The following WSB2 variants were observed in gnomAD, a reference collection of about 807,000 sequenced individuals.
WSB2 encodes the protein WD repeat and SOCS box containing 2, also known as WD repeat and SOCS box-containing protein 2.
A neutral mutation model predicts 48.8 loss-of-function variants in WSB2; 12 were observed. That is an observed-to-expected ratio of 0.25 (90% CI 0.16 to 0.40). The LOEUF (loss-of-function observed/expected upper bound fraction) is 0.40, where lower values mean the gene tolerates loss of function less well. Ranked by LOEUF, WSB2 falls within the 10% of genes least tolerant of loss-of-function variation. WSB2 has a pLI of 1.00. For missense variants in WSB2, 317 were observed against 506.2 expected, an observed-to-expected ratio of 0.63 and a Z score of 3.59; for synonymous variants, 191 against 203.1, an observed-to-expected ratio of 0.94 and a Z score of 0.51.
chr12:118,049,801 C>G (rs7135150), intron 2 of WSB2, among the ~76,000 whole-genome samples: 266 of 152,200 alleles, frequency 1.7e-3, no homozygotes, highest in African/African-American at 5.5e-3. Context: ...TGCAGAGTAC[C>G]CATCTCAACA....
rs1017921411 is a variant in WSB2, at chr12:118,060,200, G to GA, written c.13+835_13+836insT. On this transcript the variant is annotated intron_variant, in intron 1 of 8. Coordinates refer to ENST00000315436, the MANE Select transcript of WSB2 (RefSeq NM_018639.5). This position sits in a 1 kb window ranked among gnomAD's most constrained non-coding sequence, Gnocchi z 4.1. ...GGCCAAGGCGTGCATGCGTCTTGGG[G>GA]TTTTTTTCCCCTTGCATAAGAGACA... is the stretch of plus-strand genomic sequence containing the variant. Among the ~76,000 whole-genome samples, 1 of 152,108 alleles carries GA rather than the reference G, an allele frequency of 6.6e-6. No individual in the cohort carries two copies. Among genetic ancestry groups the GA allele is most frequent in the Non-Finnish European group, 1.5e-5 (1 of 68,024 alleles).
chr12:118,048,582 CAA>C (rs111998638), intron 2 of WSB2, among the ~76,000 whole-genome samples: 21 of 130,436 alleles, frequency 1.6e-4, no homozygotes, highest in Non-Finnish European at 1.6e-4. Flanking sequence ...AAGACTCTCT[CAA>C]AAAAAAAAAA....
Position 118,043,130 on chromosome 12 carries a change from T to C in WSB2, c.427+3A>G. 1 of 1,614,140 alleles carries C rather than the reference T, an allele frequency of 6.2e-7. No individual in the cohort carries two copies. On this transcript the variant is annotated splice_donor_region_variant and intron_variant, in intron 3 of 8. Transcript: ENST00000315436. ...AACCTTGTGCCAGCCAGGAATGACC[T>C]ACCTGTCTGCACCTCCCAGATCTTG...
chr12:118,043,896 C>T (rs546801070), intron 2 of WSB2, among the ~76,000 whole-genome samples: 60 of 152,042 alleles, frequency 3.9e-4, no homozygotes, highest in Non-Finnish European at 5.2e-4. Context: ...GCAGGTGGAT[C>T]GCCTGAGGTC....
At chr12:118,049,505 G>A (rs978365054) in intron 2 of WSB2, among the ~76,000 whole-genome samples, 3 of 151,864 alleles carry the variant, frequency 2.0e-5, no homozygotes, top group Admixed American at 6.6e-5. Flanking sequence ...AGGTTCACGC[G>A]ATTCTCCTAC....
rs1280621097 is a variant in WSB2, at chr12:118,060,507, C to CCA, written c.13+527_13+528dup. Among the ~76,000 whole-genome samples, 1 of 152,124 alleles carries CCA rather than the reference C, an allele frequency of 6.6e-6. No individual in the cohort carries two copies. Among genetic ancestry groups the CCA allele is most frequent in the East Asian group, 1.9e-4 (1 of 5,176 alleles). On this transcript the variant is annotated intron_variant, in intron 1 of 8. Transcript: ENST00000315436. The surrounding 1 kb of genome is among the most constrained non-coding windows in gnomAD (Gnocchi z 4.1). Reference sequence around the variant, plus strand: ...CCCCAGACCCCATTTTTACCGGGTCCCAGCCACCCTCCGAGGAAGGTACTA... The same window carrying CCA: ...CCCCAGACCCCATTTTTACCGGGTCCCACAGCCACCCTCCGAGGAAGGTACTA...
At chr12:118,050,455 C>G (rs902382017) in intron 2 of WSB2, among the ~76,000 whole-genome samples, 3 of 151,396 alleles carry the variant, frequency 2.0e-5, no homozygotes, top group Non-Finnish European at 4.4e-5. Context: ...TCAAGACCAG[C>G]CTAGGCAAGA....
At chr12:118,061,307 C>A (rs2032061964), upstream of WSB2, 1 of 549,210 alleles carries the variant, frequency 1.8e-6, no homozygotes, top group Non-Finnish European at 2.3e-6. Context: ...ATCGGGGAGG[C>A]GGTACGCTGA....
rs2031672543 is a variant in WSB2 at position 118,043,071 on chromosome 12, C to T, written c.427+62G>A. On this transcript the variant is annotated intron_variant, in intron 3 of 8. Transcript: ENST00000315436. ...GGCCAACGTGAGTGGGGCAGGGAGG[C>T]GACATAGTCAGAACATGCACCCGAG... 8 of 1,613,512 alleles carry T rather than the reference C, an allele frequency of 5.0e-6. No individual in the cohort carries two copies. The South Asian group carries it at 5.5e-5, about 11-fold the overall frequency.
At position 118,034,664 on chromosome 12, in the gene WSB2, T is replaced by C. The variant is rs2137759017; in HGVS notation, c.1053-306A>G. On this transcript the variant is annotated intron_variant, in intron 8 of 8. Coordinates refer to ENST00000315436, the MANE Select transcript of WSB2 (RefSeq NM_018639.5). ...AGGGGGAAGAGTGCCACCTACTGAA[T>C]TATAGATGTTACCTGTAAAGTGGTC... is the stretch of plus-strand genomic sequence containing the variant. 1.2e-5 allele frequency: 6 copies of C among 492,418 alleles called. No individual in the cohort carries two copies. The South Asian group carries it at 1.5e-4, about 12-fold the overall frequency. The allele number at this position is 492,418 out of a possible 1,614,324, so 30.5% of individuals were successfully genotyped here.
At chr12:118,047,501 A>T (rs1324385333) in intron 2 of WSB2, among the ~76,000 whole-genome samples, 2 of 152,234 alleles carry the variant, frequency 1.3e-5, no homozygotes, top group East Asian at 3.8e-4. Context: ...CATGATTTTT[A>T]AAAAATGTAT....
chr12:118,053,821 T>C (rs1456844130), intron 1 of WSB2, among the ~76,000 whole-genome samples: 1 of 152,148 alleles, frequency 6.6e-6, no homozygotes, highest in African/African-American at 2.4e-5. Context: ...ACACAAGGAA[T>C]GTGGAATGTG....
In WSB2 at chr12:118,060,875, A is replaced by G. The variant is rs913430601; in HGVS notation, c.13+161T>C. Reference sequence around the variant, plus strand: ...AAACAAAGCTGGTCGCCGGGCGCGCACCCCCGCCGGCCCCGCGCGGACCTC... The same window carrying G: ...AAACAAAGCTGGTCGCCGGGCGCGCGCCCCCGCCGGCCCCGCGCGGACCTC... On this transcript the variant is annotated intron_variant, in intron 1 of 8. Coordinates refer to ENST00000315436, the MANE Select transcript of WSB2 (RefSeq NM_018639.5). This position sits in a 1 kb window ranked among gnomAD's most constrained non-coding sequence, Gnocchi z 4.1. Among the ~76,000 whole-genome samples, 5 of 146,190 alleles carry G rather than the reference A, an allele frequency of 3.4e-5. No homozygotes were observed. Among genetic ancestry groups the G allele is most frequent in the Non-Finnish European group, 7.6e-5 (5 of 65,760 alleles).
At chr12:118,035,391 C>G (rs2031488332) in intron 6 of WSB2, 67 bp from the exon 7 acceptor site, 4 of 1,475,802 alleles carry the variant, frequency 2.7e-6, no homozygotes, top group African/African-American at 1.4e-5. Flanking sequence ...CATCATCACC[C>G]TAGGCAGGAA....
Position 118,060,329 on chromosome 12 carries a change from A to G in WSB2, c.13+707T>C, listed in dbSNP as rs1316600904. Among the ~76,000 whole-genome samples the G allele has an allele frequency of 6.6e-6, 1 of 152,116 alleles. No homozygotes were observed. The highest frequency in any genetic ancestry group is 1.9e-4 in the East Asian group (1 of 5,182). On this transcript the variant is annotated intron_variant, in intron 1 of 8. Transcript: ENST00000315436. The surrounding 1 kb of genome is among the most constrained non-coding windows in gnomAD (Gnocchi z 4.1). ...TCTGATGGGGATGGCAGTTAACAAG[A>G]ATAGAGGCAAGGTCCCCACCCATCA...
In WSB2 at chr12:118,041,748, CTTTTTTTTTTTTT is replaced by C. The variant is rs150072011; in HGVS notation, c.559+1080_559+1092del. 1.0e-3 allele frequency among the ~76,000 whole-genome samples: 106 copies of C among 101,536 alleles called. 2 individuals are homozygous for C. The highest frequency in any genetic ancestry group is 1.6e-3 in the Non-Finnish European group (83 of 53,286). 66.6% of individuals were successfully genotyped at this position (101,536 alleles called of 152,430 possible). A position where few individuals can be genotyped will look rare whatever the true frequency, so the allele number is the denominator to read the frequency against. ...CAATAAATTCCCCTCTCTTATGTCACTTTTTTTTTTTTTTTTTTTTTTTTGAGACAGAGTCTTG... is the reference window on the plus strand; with the variant it reads ...CAATAAATTCCCCTCTCTTATGTCACTTTTTTTTTTTGAGACAGAGTCTTG... On this transcript the variant is annotated intron_variant, in intron 4 of 8. Transcript: ENST00000315436.
intron 4 of WSB2, among the ~76,000 whole-genome samples, chr12:118,041,880 G>A (rs572563915): frequency 6.7e-5 from 10 of 149,262 alleles, no homozygotes; most frequent in South Asian, 2.2e-4. Flanking sequence ...TCAGCCTCCC[G>A]AGTAGCTGGG....
At chr12:118,057,466 G>A (rs2034986522) in intron 1 of WSB2, among the ~76,000 whole-genome samples, 1 of 151,990 alleles carries the variant, frequency 6.6e-6, no homozygotes, top group Admixed American at 6.6e-5. Context: ...GTAGAGATGG[G>A]GTTTCACCAT....
At chr12:118,035,476 C>A in intron 6 of WSB2, 152 bp from the exon 7 acceptor site, 1 of 650,638 alleles carries the variant, frequency 1.5e-6, no homozygotes, top group Non-Finnish European at 2.7e-6. Flanking sequence ...GATTTGCACA[C>A]TGGGAAAAAA....
Sources: gnomAD v4.1 joint callset for allele counts (sites outside exome capture counted in the v4.1 genomes callset) on GRCh38, gnomAD v4.1.1 for gene constraint, Gnocchi (gnomAD v3.1) non-coding constraint, MANE v1.5 for transcripts, NCBI Gene and HGNC (gene_info 2026-07-23, HGNC 2026-07-21) for gene names.